The following FRMPD4 variants were observed in gnomAD, a reference collection of about 807,000 sequenced individuals.
FRMPD4 encodes FERM and PDZ domain-containing protein 4.
FRMPD4 carries 22 observed loss-of-function variants against 94.1 expected under a neutral mutation model. That is an observed-to-expected ratio of 0.23 (90% CI 0.17 to 0.33). The LOEUF is 0.33. Ranked by LOEUF, FRMPD4 falls within the 10% of genes least tolerant of loss-of-function variation. The pLI is 1.00. For synonymous variants in FRMPD4, 631 were observed against 548.6 expected (o/e 1.15, Z -2.10); for missense variants, 1,111 against 1,339.9 (o/e 0.83, Z 2.67).
intron 1 of FRMPD4, among the ~76,000 whole-genome samples, chrX:12,317,585 C>CAAAAAAAAAAAAAAAAAA (rs376884335): frequency 2.4e-4 from 10 of 42,415 alleles, no homozygotes; most frequent in East Asian, 9.9e-4. Context: ...AACTAAATAG[C>CAAAAAAAAAAAAAAAAAA]AAAAAAAAAA....
intron 2 of FRMPD4, among the ~76,000 whole-genome samples, chrX:12,577,634 C>T (rs1285480200): frequency 9.0e-6 from 1 of 111,150 alleles, no homozygotes; most frequent in Non-Finnish European, 1.9e-5. Context: ...GGGCTAAGGA[C>T]AAGAGGCCAT....
chrX:12,505,749 A>AAAAG (rs1555975081), intron 2 of FRMPD4, among the ~76,000 whole-genome samples: 2 of 78,803 alleles, frequency 2.5e-5, no homozygotes, highest in Non-Finnish European at 5.2e-5. Context: ...AAAAAAAAAA[A>AAAAG]GGGGGGGAGA....
chrX:12,628,953 C>T (rs1350201822), intron 4 of FRMPD4, among the ~76,000 whole-genome samples: 4 of 112,046 alleles, frequency 3.6e-5, no homozygotes, highest in Non-Finnish European at 7.5e-5. Context: ...GTACGTCTTA[C>T]ATAGTGGCAC....
At chrX:11,952,022 C>T (rs924854426) in intron 3 of FRMPD4, among the ~76,000 whole-genome samples, 8 of 112,065 alleles carry the variant, frequency 7.1e-5, no homozygotes, top group African/African-American at 2.6e-4. Context: ...GGTGACAGAG[C>T]GAGACCCTGT....
At chrX:12,306,473 TATTA>T (rs2054944591) in intron 1 of FRMPD4, among the ~76,000 whole-genome samples, 1 of 111,986 alleles carries the variant, frequency 8.9e-6, no homozygotes, top group Admixed American at 9.5e-5. Context: ...GATCCTTTCC[TATTA>T]ATTATTTTCT....
Position 12,323,222 on chromosome X carries a change from A to G in FRMPD4, c.42-175458A>G, listed in dbSNP as rs1259984950. ...TAAGTAGCCTTGGGCTCTGGAAGCAAATAGAGTTGTTTCACTGGCCAACTA... is the reference window on the plus strand; with the variant it reads ...TAAGTAGCCTTGGGCTCTGGAAGCAGATAGAGTTGTTTCACTGGCCAACTA... On this transcript the variant is annotated intron_variant, in intron 1 of 16. Coordinates refer to ENST00000675598, the MANE Select transcript of FRMPD4 (RefSeq NM_001368397.1). Among the ~76,000 whole-genome samples, 3 of 111,916 alleles carry G rather than the reference A, an allele frequency of 2.7e-5. No individual in the cohort carries two copies. The East Asian group carries it at 8.4e-4, about 31-fold the overall frequency.
At chrX:12,291,819 C>A (rs2054694983) in intron 1 of FRMPD4, among the ~76,000 whole-genome samples, 1 of 111,620 alleles carries the variant, frequency 9.0e-6, no homozygotes, top group African/African-American at 3.3e-5. Context: ...ATCCTTTCTG[C>A]TGGGGGTTGT....
At chrX:12,147,372 A>C (rs2055783103) in intron 1 of FRMPD4, among the ~76,000 whole-genome samples, 1 of 112,314 alleles carries the variant, frequency 8.9e-6, no homozygotes, top group East Asian at 2.8e-4. Context: ...TTTCTAAAAA[A>C]GAATGTAAAA....
chrX:12,026,596 T>C (rs1312867277), intron 3 of FRMPD4, among the ~76,000 whole-genome samples: 1 of 112,239 alleles, frequency 8.9e-6, no homozygotes, highest in African/African-American at 3.2e-5. Flanking sequence ...AAAGTGGTGG[T>C]TGATAAAGCT....
intron 1 of FRMPD4, among the ~76,000 whole-genome samples, chrX:12,251,696 T>A (rs2054042584): frequency 8.9e-6 from 1 of 112,150 alleles, no homozygotes; most frequent in Non-Finnish European, 1.9e-5. Flanking sequence ...CAGTGTCTGC[T>A]TCTAGAGATC....
In FRMPD4 at chrX:11,830,408, T is replaced by C. The variant is rs186062835; in HGVS notation, c.-161+7693T>C. Among the ~76,000 whole-genome samples the C allele has an allele frequency of 4.5e-5, 5 of 111,368 alleles. No homozygotes were observed. In the Admixed American group the frequency reaches 4.8e-4, roughly 11 times the overall value. On this transcript the variant is annotated intron_variant, in intron 1 of 18. Coordinates refer to the FRMPD4 transcript ENST00000640291. ...TCTTTTTCACTCTCATATTTCATGA[T>C]TTTTTTTCAAATGGCGACACATGCA...
intron 1 of FRMPD4, among the ~76,000 whole-genome samples, chrX:12,349,172 G>C (rs1479573079): frequency 9.0e-6 from 1 of 111,708 alleles, no homozygotes; most frequent in East Asian, 2.8e-4. Flanking sequence ...AGGCCAGCTG[G>C]TAGAGGGGCT....
chrX:11,898,102 G>T (rs1036637467), intron 3 of FRMPD4, among the ~76,000 whole-genome samples: 1 of 111,565 alleles, frequency 9.0e-6, no homozygotes, highest in Non-Finnish European at 1.9e-5. Flanking sequence ...CAAGGAAGAG[G>T]TCCTCATGAC....
intron 3 of FRMPD4, among the ~76,000 whole-genome samples, chrX:11,929,007 G>T (rs955956115): frequency 8.9e-5 from 10 of 112,465 alleles, no homozygotes; most frequent in African/African-American, 3.2e-4. Flanking sequence ...ACTAATGCAG[G>T]AACAGAAAAC....
intron 1 of FRMPD4, among the ~76,000 whole-genome samples, chrX:12,397,599 A>AG (rs2056558823): frequency 8.9e-6 from 1 of 111,923 alleles, no homozygotes; most frequent in African/African-American, 3.3e-5. Flanking sequence ...GAATGTCTTA[A>AG]GTACTTAAGT....
chrX:12,293,192 G>A (rs2054715965), intron 1 of FRMPD4, among the ~76,000 whole-genome samples: 1 of 111,931 alleles, frequency 8.9e-6, no homozygotes, highest in Non-Finnish European at 1.9e-5. Context: ...AGCGAGGCTG[G>A]GTGAAAGAAT....
chrX:12,653,983 T>C (rs1015323950), intron 4 of FRMPD4, among the ~76,000 whole-genome samples: 1 of 111,853 alleles, frequency 8.9e-6, no homozygotes, highest in Non-Finnish European at 1.9e-5. Flanking sequence ...GTCAGGCTGG[T>C]CTCAAACTCC....
intron 1 of FRMPD4, among the ~76,000 whole-genome samples, chrX:12,167,180 G>T (rs776055024): frequency 9.0e-6 from 1 of 111,496 alleles, no homozygotes; most frequent in South Asian, 3.8e-4. Flanking sequence ...GCTTTCTCTC[G>T]TGGGCATTTA....
At chrX:12,154,018 G>A (rs1378558533) in intron 1 of FRMPD4, among the ~76,000 whole-genome samples, 4 of 112,738 alleles carry the variant, frequency 3.5e-5, no homozygotes, top group African/African-American at 9.7e-5. Flanking sequence ...AGACCATATG[G>A]CCTACAAAGC....
Sources: gnomAD v4.1 joint callset for allele counts (sites outside exome capture counted in the v4.1 genomes callset) on GRCh38, gnomAD v4.1.1 for gene constraint, MANE v1.5 for transcripts, NCBI Gene and HGNC (gene_info 2026-07-23, HGNC 2026-07-21) for gene names.